Variants in XPO5 observed in about 807,000 individuals in gnomAD.
XPO5 encodes the protein exportin 5, also known as exportin-5.
A neutral mutation model predicts 160.6 loss-of-function variants in XPO5; 46 were observed. That is an observed-to-expected ratio of 0.29 (90% confidence interval 0.23 to 0.37). The LOEUF (loss-of-function observed/expected upper bound fraction) is 0.37, where lower values mean the gene tolerates loss of function less well. XPO5 is among the 10% of genes least tolerant of loss of function. The pLI, the probability that XPO5 is intolerant of heterozygous loss-of-function variation, is 1.00. For missense variants in XPO5, 1,090 were observed against 1,463.9 expected (o/e 0.74, Z 4.17); for synonymous variants, 537 against 519.3 (o/e 1.03, Z -0.46).
intron 21 of XPO5, among the ~76,000 whole-genome samples, chr6:43,531,901 CCTTT>C (rs1242729613): frequency 2.0e-5 from 3 of 152,160 alleles, no homozygotes; most frequent in Non-Finnish European, 4.4e-5. Context: ...TTATGAAACC[CCTTT>C]TTTAAGCAAA....
chr6:43,531,962 A>G (rs975711434), intron 21 of XPO5, among the ~76,000 whole-genome samples: 4 of 152,132 alleles, frequency 2.6e-5, no homozygotes, highest in African/African-American at 9.7e-5. Flanking sequence ...AATGAAACCC[A>G]CTTACCTTAG....
intron 20 of XPO5, among the ~76,000 whole-genome samples, chr6:43,545,130 C>T (rs2127725615): frequency 6.6e-6 from 1 of 152,136 alleles, no homozygotes; most frequent in South Asian, 2.1e-4. Context: ...ACCTTGGCCT[C>T]CCAAAGTGCT....
chr6:43,529,401 AAAATT>A, intron 23 of XPO5: 1 of 372,420 alleles, frequency 2.7e-6, no homozygotes, highest in Non-Finnish European at 5.0e-6. Context: ...AAAAAAAAAA[AAAATT>A]AGTCGGGCAT....
rs529985032 is a variant in XPO5, at chr6:43,542,222, A to C, written c.2342+4349T>G. Among the ~76,000 whole-genome samples the C allele has an allele frequency of 3.9e-5, 6 of 152,256 alleles. No homozygotes were observed. In the South Asian group the frequency reaches 1.2e-3, roughly 32 times the overall value. On this transcript the variant is annotated intron_variant, in intron 20 of 31. Transcript: ENST00000265351. ...GAAAGCCTACCAGACCAATTCTGAAAGTACTGTAACACTTGACTAGTAATA... is the reference window on the plus strand; with the variant it reads ...GAAAGCCTACCAGACCAATTCTGAACGTACTGTAACACTTGACTAGTAATA...
Position 43,523,556 on chromosome 6 carries a change from G to C in XPO5, c.*312C>G, listed in dbSNP as rs140688078. ...TGTACAGGTATGTGGCTGCACGGGG[G>C]TGGGAGGGCTTGTGGGAGAAGGGCT... On this transcript the variant is annotated 3_prime_UTR_variant, in exon 32 of 32. Transcript: ENST00000265351. 5.9e-4 allele frequency: 317 copies of C among 535,636 alleles called. 3 individuals carry two copies. The highest frequency in any genetic ancestry group is 5.8e-3 in the African/African-American group (308 of 52,774). 33.2% of individuals were successfully genotyped at this position (535,636 alleles called of 1,614,324 possible). A position where few individuals can be genotyped will look rare whatever the true frequency, so the allele number is the denominator to read the frequency against.
At position 43,522,712 on chromosome 6, in the gene XPO5, C is replaced by T. The variant is rs1278427706; in HGVS notation, c.*1156G>A. 1 of 502,002 alleles carries T rather than the reference C, an allele frequency of 2.0e-6. No homozygotes were observed. Among genetic ancestry groups the T allele is most frequent in the Non-Finnish European group, 4.2e-6 (1 of 240,956 alleles). The allele number at this position is 502,002 out of a possible 1,614,324, so 31.1% of individuals were successfully genotyped here. A position where few individuals can be genotyped will look rare whatever the true frequency, so the allele number is the denominator to read the frequency against. On this transcript the variant is annotated 3_prime_UTR_variant, in exon 32 of 32. Coordinates refer to ENST00000265351, the MANE Select transcript of XPO5 (RefSeq NM_020750.3). ...GTCCACTTCGGCTCTCGGGGAAACC[C>T]TCTTGTCAGTGGACTGGATGGACAA...
intron 20 of XPO5, among the ~76,000 whole-genome samples, chr6:43,542,760 T>C (rs962693710): frequency 6.6e-6 from 1 of 152,182 alleles, no homozygotes; most frequent in Non-Finnish European, 1.5e-5. Context: ...AACTCCAGCA[T>C]ATAACTGGTG....
chr6:43,570,003 C>CTTTTTT (rs35322286), intron 5 of XPO5, among the ~76,000 whole-genome samples: 1 of 85,384 alleles, frequency 1.2e-5, no homozygotes, highest in African/African-American at 4.7e-5. Flanking sequence ...AGATCCCTAT[C>CTTTTTT]TTTTTTTTTT....
intron 13 of XPO5, chr6:43,555,312 AG>A (rs1762014698): frequency 1.4e-5 from 2 of 143,930 alleles, no homozygotes; most frequent in African/African-American, 6.1e-5. Flanking sequence ...TTTGGAGTAC[AG>A]AGAAGTTAAC....
At chr6:43,547,914 TAAAC>T (rs1795040211) in intron 18 of XPO5, among the ~76,000 whole-genome samples, 1 of 152,188 alleles carries the variant, frequency 6.6e-6, no homozygotes, top group South Asian at 2.1e-4. Context: ...ATTTAAGAAT[TAAAC>T]AAGAATATAA....
chr6:43,563,687 G>T (rs1476786365), intron 8 of XPO5, among the ~76,000 whole-genome samples: 1 of 152,150 alleles, frequency 6.6e-6, no homozygotes, highest in Non-Finnish European at 1.5e-5. Flanking sequence ...CAATACTGCA[G>T]GCAACTGTAA....
chr6:43,530,369 C>T (rs1316015995), intron 23 of XPO5, among the ~76,000 whole-genome samples: 2 of 151,030 alleles, frequency 1.3e-5, no homozygotes, highest in Non-Finnish European at 2.9e-5. Flanking sequence ...AGCTGTGAGC[C>T]GAGATCATAC....
intron 24 of XPO5, 111 bp from the exon 25 acceptor site, chr6:43,528,316 C>A (rs940507003): frequency 4.2e-5 from 46 of 1,108,372 alleles, no homozygotes; most frequent in Non-Finnish European, 5.7e-5. Context: ...TGATTCTAGG[C>A]ATCAATGACA....
At chr6:43,543,141 A>G (rs1202684528) in intron 20 of XPO5, among the ~76,000 whole-genome samples, 1 of 152,196 alleles carries the variant, frequency 6.6e-6, no homozygotes, top group Non-Finnish European at 1.5e-5. Context: ...TCATTTTCAC[A>G]AAGTTCAAAA....
chr6:43,571,175 G>A lies in XPO5; in HGVS notation c.301-181C>T, dbSNP rs543918759. 3.9e-5 allele frequency among the ~76,000 whole-genome samples: 6 copies of A among 152,198 alleles called. No homozygotes were observed. In the South Asian group the frequency reaches 8.3e-4, roughly 21 times the overall value. The stretch of plus-strand genomic sequence containing the variant: ...CTGCATTCTTGCTAATCACTCTTCC[G>A]CTTAAAGCTTAAGTGAGGGTTGCAT... On this transcript the variant is annotated intron_variant, in intron 3 of 31. Coordinates refer to ENST00000265351, the MANE Select transcript of XPO5 (RefSeq NM_020750.3).
rs778060817 is a variant in XPO5, at chr6:43,567,285, T to C, written c.718A>G (p.Met240Val). The change falls in exon 7 of 32, where the codon ATG (methionine) becomes GTG (valine). Residue 240 changes from methionine to valine, a missense_variant. Around this residue, in one of 3 missense-constraint regions of XPO5, gnomAD observed 110 missense variants for 97.9 expected, o/e 1.12. Coordinates refer to ENST00000265351, the MANE Select transcript of XPO5 (RefSeq NM_020750.3). ...CAGTTTTCAGCAGTGATGTGACTCA[T>C]AGACACCCAGTCAATATAGCCTGCT... ...TLAGYIDWVS[M>V]SHITAENCKL... 14 of 1,613,994 alleles carry C rather than the reference T, an allele frequency of 8.7e-6. No homozygotes were observed. Among genetic ancestry groups the C allele is most frequent in the East Asian group, 2.2e-5 (1 of 44,890 alleles).
intron 20 of XPO5, chr6:43,539,082 G>C: frequency 7.2e-7 from 1 of 1,393,360 alleles, no homozygotes; most frequent in Non-Finnish European, 1.0e-6. Flanking sequence ...TTGGGCACAG[G>C]TGCGGAGACA....
At chr6:43,546,849 C>T (rs914869439) in intron 19 of XPO5, 97 bp from the exon 20 acceptor site, 4 of 1,175,506 alleles carry the variant, frequency 3.4e-6, no homozygotes, top group Non-Finnish European at 4.7e-6. Context: ...AAAAGTGACA[C>T]AGAGGCCAGA....
rs115820004 is a variant in XPO5 at position 43,531,589 on chromosome 6, C to G, written c.2444-14G>C. On this transcript the variant is annotated splice_polypyrimidine_tract_variant and intron_variant, in intron 21 of 31. Transcript: ENST00000265351. ...GTTGAGGTAATCCTACAGGGAAATACGGGTCAAGAACATGATGCTCCACTG... is the reference window on the plus strand; with the variant it reads ...GTTGAGGTAATCCTACAGGGAAATAGGGGTCAAGAACATGATGCTCCACTG... 907 of 1,604,642 alleles carry G rather than the reference C, an allele frequency of 5.7e-4. 3 individuals are homozygous for G. In the African/African-American group the frequency reaches 0.011, roughly 19 times the overall value.
Sources: allele counts gnomAD v4.1 joint callset (sites outside exome capture counted in the v4.1 genomes callset), GRCh38; gene constraint gnomAD v4.1.1; regional missense constraint gnomAD v4.1.1; transcripts MANE v1.5; gene names NCBI Gene and HGNC (gene_info 2026-07-23, HGNC 2026-07-21).